Variants in HHAT observed in about 807,000 individuals in gnomAD.
The protein encoded by HHAT is hedgehog acyltransferase.
A neutral mutation model predicts 70.8 loss-of-function variants in HHAT; 47 were observed. The observed-to-expected ratio is 0.66, with a 90% CI of 0.53 to 0.85. HHAT has a LOEUF of 0.85. Ranked by LOEUF, HHAT falls within the 40% of genes least tolerant of loss-of-function variation. The pLI is 0.00. For synonymous variants in HHAT, 228 were observed against 247.6 expected (o/e 0.92, Z 0.74); for missense variants, 609 against 604.8 (o/e 1.01, Z -0.07).
chr1:210,447,100 A>T lies in HHAT; in HGVS notation c.857-17405A>T, dbSNP rs147712759. ...CAATAGACTCATTTGGGGTCTGAAG[A>T]TCTGAGCTTTAGTCTTAACCCCATA... is the stretch of plus-strand genomic sequence containing the variant. On this transcript the variant is annotated intron_variant, in intron 7 of 11. Coordinates refer to ENST00000261458, the MANE Select transcript of HHAT (RefSeq NM_018194.6). Among the ~76,000 whole-genome samples, 396 of 152,310 alleles carry T rather than the reference A, an allele frequency of 2.6e-3. 11 individuals carry two copies. In the South Asian group the frequency reaches 0.059, roughly 23 times the overall value.
At chr1:210,579,224 A>G (rs1399311855) in intron 9 of HHAT, among the ~76,000 whole-genome samples, 1 of 152,180 alleles carries the variant, frequency 6.6e-6, no homozygotes, top group African/African-American at 2.4e-5. Context: ...TTATCTGTAT[A>G]ACAAACCCCT....
intron 1 of HHAT, chr1:210,329,347 G>A (rs959475804): frequency 1.0e-4 from 123 of 1,200,144 alleles, no homozygotes; most frequent in Non-Finnish European, 1.2e-4. Context: ...ACAAGTCCGC[G>A]CACGGCCCTG....
intron 7 of HHAT, among the ~76,000 whole-genome samples, chr1:210,449,331 A>G (rs1422264812): frequency 2.0e-5 from 3 of 151,088 alleles, no homozygotes; most frequent in Non-Finnish European, 4.4e-5. Flanking sequence ...AATAAATCAT[A>G]TAATTTTCTT....
chr1:210,641,427 G>T (rs757494941), intron 11 of HHAT, among the ~76,000 whole-genome samples: 2 of 152,112 alleles, frequency 1.3e-5, no homozygotes, highest in African/African-American at 4.8e-5. Flanking sequence ...AGGTTGGTAC[G>T]CAAGTAATTG....
At chr1:210,397,740 A>G (rs1356654210) in intron 4 of HHAT, among the ~76,000 whole-genome samples, 1 of 152,160 alleles carries the variant, frequency 6.6e-6, no homozygotes, top group Non-Finnish European at 1.5e-5. Context: ...GGCCTTTGAA[A>G]TGCTTAGAAA....
intron 10 of HHAT, among the ~76,000 whole-genome samples, chr1:210,605,052 T>G (rs1266649484): frequency 1.4e-5 from 2 of 146,560 alleles, no homozygotes; most frequent in South Asian, 2.1e-4. Flanking sequence ...ACAAAGAAAT[T>G]GAAAGATAGA....
chr1:210,566,958 C>T (rs1343100418), intron 9 of HHAT, among the ~76,000 whole-genome samples: 1 of 152,302 alleles, frequency 6.6e-6, no homozygotes, highest in East Asian at 1.9e-4. Flanking sequence ...TAACACATGC[C>T]CATTTGGGCT....
chr1:210,442,955 G>T (rs529615918), intron 7 of HHAT, among the ~76,000 whole-genome samples: 2 of 151,922 alleles, frequency 1.3e-5, no homozygotes, highest in East Asian at 1.9e-4. Context: ...GTAATGCCTA[G>T]GTTTTCTTCT....
intron 1 of HHAT, among the ~76,000 whole-genome samples, chr1:210,329,870 C>T (rs1293709722): frequency 2.0e-5 from 3 of 152,210 alleles, no homozygotes; most frequent in Non-Finnish European, 4.4e-5. Context: ...GCCTTGCCTC[C>T]TGAGTAGCTG....
intron 10 of HHAT, among the ~76,000 whole-genome samples, chr1:210,607,904 G>T (rs988474210): frequency 6.6e-6 from 1 of 152,074 alleles, no homozygotes; most frequent in Admixed American, 6.5e-5. Flanking sequence ...TTATCAGTTC[G>T]AATGTAGTCT....
At chr1:210,410,257 C>T (rs532155888) in intron 6 of HHAT, among the ~76,000 whole-genome samples, 105 of 151,308 alleles carry the variant, frequency 6.9e-4, no homozygotes, top group Non-Finnish European at 1.4e-3. Flanking sequence ...GAGGTTTCAT[C>T]GTGTTAGCCA....
intron 9 of HHAT, among the ~76,000 whole-genome samples, chr1:210,534,082 C>T (rs1365893680): frequency 1.3e-5 from 2 of 152,278 alleles, no homozygotes; most frequent in East Asian, 3.9e-4. Context: ...TCCATACTGG[C>T]TAGCTGCCAT....
At chr1:210,525,449 T>C (rs1167584785) in intron 9 of HHAT, among the ~76,000 whole-genome samples, 1 of 152,186 alleles carries the variant, frequency 6.6e-6, no homozygotes, top group Non-Finnish European at 1.5e-5. Context: ...TCACAGAATG[T>C]TAGAATGGAA....
chr1:210,524,074 T>A (rs749510350), intron 9 of HHAT, among the ~76,000 whole-genome samples: 16 of 152,026 alleles, frequency 1.1e-4, no homozygotes, highest in Non-Finnish European at 1.8e-4. Context: ...AAAAATGGAA[T>A]GATGGTTGCC....
intron 9 of HHAT, among the ~76,000 whole-genome samples, chr1:210,573,417 G>A (rs190630375): frequency 2.0e-5 from 3 of 152,246 alleles, no homozygotes; most frequent in Non-Finnish European, 2.9e-5. Context: ...AGGTATTGTC[G>A]GGAAAGTTAA....
chr1:210,613,264 C>G (rs1291116028), intron 10 of HHAT, among the ~76,000 whole-genome samples: 1 of 151,982 alleles, frequency 6.6e-6, no homozygotes, highest in East Asian at 1.9e-4. Context: ...ATACTTGAAC[C>G]CTTTTGAGTT....
At chr1:210,632,187 G>A (rs1670999807) in intron 11 of HHAT, among the ~76,000 whole-genome samples, 1 of 152,222 alleles carries the variant, frequency 6.6e-6, no homozygotes, top group Non-Finnish European at 1.5e-5. Flanking sequence ...CCCAGCTGAT[G>A]AAGTCCTAAC....
At chr1:210,534,998 A>G (rs1160650660) in intron 9 of HHAT, among the ~76,000 whole-genome samples, 1 of 151,966 alleles carries the variant, frequency 6.6e-6, no homozygotes, top group East Asian at 1.9e-4. Context: ...TGCTGAAGTC[A>G]CTCCTTGTTA....
At chr1:210,558,928 G>A (rs1207362587) in intron 9 of HHAT, among the ~76,000 whole-genome samples, 1 of 152,208 alleles carries the variant, frequency 6.6e-6, no homozygotes, top group African/African-American at 2.4e-5. Flanking sequence ...GTCTGGAGTA[G>A]TGAGGAGACT....
Sources: allele counts gnomAD v4.1 joint callset (sites outside exome capture counted in the v4.1 genomes callset), GRCh38; gene constraint gnomAD v4.1.1; transcripts MANE v1.5; gene names NCBI Gene and HGNC (gene_info 2026-07-23, HGNC 2026-07-21).